BMPR1B: variants seen among roughly 807,000 people sequenced by gnomAD.
BMPR1B encodes bone morphogenetic protein receptor type 1B, also known as bone morphogenetic protein receptor type-1B.
Under a neutral mutation model 59.1 loss-of-function variants are expected in BMPR1B, and 12 were observed. The ratio of observed to expected loss-of-function variants is 0.20; its 90% CI spans 0.13 to 0.33. BMPR1B has a LOEUF of 0.33. Among genes scored for constraint, BMPR1B ranks in the 10% least tolerant of loss-of-function variants. The pLI is 1.00. For missense variants in BMPR1B, 550 were observed against 610.9 expected, an observed-to-expected ratio of 0.90 and a Z score of 1.05; for synonymous variants, 237 against 207.3, an observed-to-expected ratio of 1.14 and a Z score of -1.23.
intron 1 of BMPR1B, among the ~76,000 whole-genome samples, chr4:94,806,586 A>G (rs1444258659): frequency 6.6e-6 from 1 of 152,138 alleles, no homozygotes; most frequent in Non-Finnish European, 1.5e-5. Flanking sequence ...GTAGCTAGTA[A>G]TTCCTTCCCT....
intron 1 of BMPR1B, among the ~76,000 whole-genome samples, chr4:94,804,590 CTTTTTT>C (rs5860375): frequency 8.2e-5 from 10 of 121,536 alleles, no homozygotes; most frequent in Non-Finnish European, 1.5e-4. Flanking sequence ...CTTTGTAATA[CTTTTTT>C]TTTTTTTTTT....
At chr4:95,032,891 G>C (rs1384094263) in intron 3 of BMPR1B, among the ~76,000 whole-genome samples, 1 of 152,104 alleles carries the variant, frequency 6.6e-6, no homozygotes, top group Non-Finnish European at 1.5e-5. Context: ...TAATTTTTGA[G>C]AAACTGCCAT....
intron 3 of BMPR1B, among the ~76,000 whole-genome samples, chr4:95,006,542 A>ATTTTT (rs200984246): frequency 7.4e-6 from 1 of 136,024 alleles, no homozygotes; most frequent in Admixed American, 7.4e-5. Flanking sequence ...ATACCTTCTG[A>ATTTTT]TTTTTTTTTT....
At chr4:94,951,961 C>T (rs982202148) in intron 2 of BMPR1B, among the ~76,000 whole-genome samples, 9 of 152,042 alleles carry the variant, frequency 5.9e-5, no homozygotes, top group South Asian at 4.1e-4. Flanking sequence ...TTCAGGGATT[C>T]GACTTCTTCC....
At chr4:94,774,092 G>A (rs550667698) in intron 1 of BMPR1B, among the ~76,000 whole-genome samples, 1 of 151,990 alleles carries the variant, frequency 6.6e-6, no homozygotes, top group East Asian at 1.9e-4. Flanking sequence ...TATATGTGTG[G>A]GGATTTCAGA....
chr4:94,988,663 C>T (rs1330667622), intron 2 of BMPR1B, among the ~76,000 whole-genome samples: 1 of 152,088 alleles, frequency 6.6e-6, no homozygotes, highest in Admixed American at 6.6e-5. Flanking sequence ...GCCAATACTT[C>T]TCATACTAAT....
intron 2 of BMPR1B, among the ~76,000 whole-genome samples, chr4:94,952,387 G>T (rs1237499214): frequency 6.6e-6 from 1 of 152,124 alleles, no homozygotes; most frequent in East Asian, 1.9e-4. Context: ...AATTTCTCCT[G>T]TGGGCATTTA....
chr4:94,767,419 G>C (rs901360617), intron 1 of BMPR1B, among the ~76,000 whole-genome samples: 1 of 152,170 alleles, frequency 6.6e-6, no homozygotes, highest in African/African-American at 2.4e-5. Context: ...CATGCTGTTT[G>C]TTAGGAGCTT....
At position 94,854,838 on chromosome 4, in the gene BMPR1B, A is replaced by T. The variant is rs1009608552; in HGVS notation, c.-182-20993A>T. On this transcript the variant is annotated intron_variant, in intron 1 of 12. Transcript: ENST00000515059. ...AGCTACTCTTTATGTGATCCCCTTG[A>T]GAACCTCTGCTCTAGGGTTGTAAGC... 2.0e-4 allele frequency among the ~76,000 whole-genome samples: 30 copies of T among 152,218 alleles called. 1 individual carries two copies. The highest frequency in any genetic ancestry group is 1.5e-5 in the Non-Finnish European group (1 of 68,048).
At chr4:95,092,413 T>C (rs1466603037) in intron 3 of BMPR1B, among the ~76,000 whole-genome samples, 10 of 152,136 alleles carry the variant, frequency 6.6e-5, no homozygotes, top group Non-Finnish European at 1.3e-4. Flanking sequence ...TTTGTTCTCT[T>C]AAAACTATGA....
At chr4:94,985,013 G>A (rs781022057) in intron 2 of BMPR1B, among the ~76,000 whole-genome samples, 1 of 152,204 alleles carries the variant, frequency 6.6e-6, no homozygotes. Context: ...TGTGAACAGA[G>A]GTATGGAAAG....
intron 1 of BMPR1B, among the ~76,000 whole-genome samples, chr4:94,785,576 C>A (rs1722733482): frequency 6.6e-6 from 1 of 152,122 alleles, no homozygotes; most frequent in Non-Finnish European, 1.5e-5. Flanking sequence ...GCATTAAAGA[C>A]TTTAGAAAAG....
chr4:95,148,601 A>G, intron 10 of BMPR1B, 147 bp from the exon 11 acceptor site: 1 of 846,638 alleles, frequency 1.2e-6, no homozygotes, highest in Non-Finnish European at 1.9e-6. Flanking sequence ...TTTTGGCAAG[A>G]AATATTCTTT....
rs558193812 is a variant in BMPR1B, at chr4:94,917,802, C to T, written c.-113+41902C>T. 1.3e-4 allele frequency among the ~76,000 whole-genome samples: 20 copies of T among 152,118 alleles called. No individual in the cohort carries two copies. The South Asian group carries it at 2.5e-3, about 19-fold the overall frequency. On this transcript the variant is annotated intron_variant, in intron 2 of 12. Coordinates refer to ENST00000515059, the MANE Select transcript of BMPR1B (RefSeq NM_001203.3). ...ACATGAAATTTGGGAAGGGCCAGGG[C>T]GGAATAATACAGTTTGGATATTTGT...
chr4:94,836,094 A>G (rs1412235349), intron 1 of BMPR1B, among the ~76,000 whole-genome samples: 3 of 148,064 alleles, frequency 2.0e-5, no homozygotes, highest in African/African-American at 7.5e-5. Context: ...TGAACTCATC[A>G]TTTTTTATGG....
At chr4:95,050,217 C>A (rs1486421712) in intron 3 of BMPR1B, among the ~76,000 whole-genome samples, 2 of 152,184 alleles carry the variant, frequency 1.3e-5, no homozygotes, top group Non-Finnish European at 2.9e-5. Flanking sequence ...ATACCAATCT[C>A]TTTTCCTAAC....
chr4:94,866,825 G>T (rs1406559974), intron 1 of BMPR1B, among the ~76,000 whole-genome samples: 1 of 151,954 alleles, frequency 6.6e-6, no homozygotes, highest in Non-Finnish European at 1.5e-5. Flanking sequence ...CTCATGATCC[G>T]CCCACTTTGG....
At chr4:95,103,167 T>A (rs1475355976) in intron 3 of BMPR1B, among the ~76,000 whole-genome samples, 6 of 152,114 alleles carry the variant, frequency 3.9e-5, no homozygotes, top group African/African-American at 1.4e-4. Flanking sequence ...TTCTTTCAAC[T>A]ATTTTTTTCT....
intron 3 of BMPR1B, among the ~76,000 whole-genome samples, chr4:95,050,677 T>C (rs1726436735): frequency 6.6e-6 from 1 of 152,190 alleles, no homozygotes; most frequent in South Asian, 2.1e-4. Context: ...ATCTTAGATA[T>C]AAACATTGTA....
Sources: allele counts gnomAD v4.1 joint callset (sites outside exome capture counted in the v4.1 genomes callset), GRCh38; gene constraint gnomAD v4.1.1; transcripts MANE v1.5; gene names NCBI Gene and HGNC (gene_info 2026-07-23, HGNC 2026-07-21).